Variants in CPD observed in about 807,000 individuals in gnomAD.
The protein encoded by CPD is carboxypeptidase D.
In CPD, 69 loss-of-function variants were observed where a neutral mutation model predicts 138.3. That is an observed-to-expected ratio of 0.50 (90% confidence interval 0.41 to 0.61). The LOEUF (loss-of-function observed/expected upper bound fraction) is 0.61, where lower values mean the gene tolerates loss of function less well. CPD is among the 20% of genes least tolerant of loss of function. The pLI is 0.00. For missense variants in CPD, 1,432 were observed against 1,733.3 expected, an observed-to-expected ratio of 0.83 and a Z score of 3.09; for synonymous variants, 651 against 642.1, an observed-to-expected ratio of 1.01 and a Z score of -0.21.
At chr17:30,428,446 A>G (rs1409724584) in intron 7 of CPD, among the ~76,000 whole-genome samples, 2 of 152,224 alleles carry the variant, frequency 1.3e-5, no homozygotes, top group Admixed American at 1.3e-4. Flanking sequence ...CCAAACAACC[A>G]TCATCTGATA....
chr17:30,390,077 C>T (rs917070591), intron 2 of CPD, among the ~76,000 whole-genome samples: 5 of 150,716 alleles, frequency 3.3e-5, no homozygotes, highest in Middle Eastern at 3.4e-3. Flanking sequence ...GGAGTGCAGG[C>T]GTGATCTCAG....
rs144435064 is a variant in CPD at position 30,450,645 on chromosome 17, G to A, written c.3069+897G>A. 3.5e-4 allele frequency among the ~76,000 whole-genome samples: 53 copies of A among 152,282 alleles called. 1 individual carries two copies. The highest frequency in any genetic ancestry group is 6.8e-4 in the Non-Finnish European group (46 of 68,020). ...GGGCTGAAGAGAGAGGACCACTTGA[G>A]GCCAGGCGTTTGAGACCAGCCAGAG... On this transcript the variant is annotated intron_variant, in intron 13 of 20. Coordinates refer to ENST00000225719, the MANE Select transcript of CPD (RefSeq NM_001304.5).
At chr17:30,423,749 A>G (rs747405105) in intron 6 of CPD, 52 bp downstream of exon 6, 4 of 1,291,080 alleles carry the variant, frequency 3.1e-6, no homozygotes, top group Admixed American at 2.8e-5. Context: ...TAGAATGATT[A>G]TTTTGATGGA....
At chr17:30,408,216 A>G (rs1300875328) in intron 2 of CPD, among the ~76,000 whole-genome samples, 1 of 152,138 alleles carries the variant, frequency 6.6e-6, no homozygotes, top group African/African-American at 2.4e-5. Flanking sequence ...GTAGCCTTGT[A>G]GTATAGTTTG....
rs368454572 is a variant in CPD at position 30,437,347 on chromosome 17, A to T, written c.2128-1628A>T. Among the ~76,000 whole-genome samples, 75 of 152,170 alleles carry T rather than the reference A, an allele frequency of 4.9e-4. 1 individual carries two copies. The highest frequency in any genetic ancestry group is 1.6e-3 in the African/African-American group (67 of 41,526). Reference sequence around the variant, plus strand: ...CCTAAAGAAGACTGAGGGGTGGAGGATCCATTCTGTATTCGTATATAAGTT... The same window carrying T: ...CCTAAAGAAGACTGAGGGGTGGAGGTTCCATTCTGTATTCGTATATAAGTT... On this transcript the variant is annotated intron_variant, in intron 8 of 20. Transcript: ENST00000225719.
Position 30,455,322 on chromosome 17 carries a change from A to T in CPD, c.3206-17A>T, listed in dbSNP as rs1312411347. 1.9e-6 allele frequency: 3 copies of T among 1,583,952 alleles called. No homozygotes were observed. The African/African-American group carries it at 4.1e-5, about 22-fold the overall frequency. ...TTTAAAATTTGATATTTTATATTTG[A>T]CTTTTCTCTTTTTTAGATAATGCCT... On this transcript the variant is annotated splice_polypyrimidine_tract_variant and intron_variant, in intron 14 of 20. Transcript: ENST00000225719.
Position 30,464,590 on chromosome 17 carries a change from G to T in CPD, c.3919G>T (p.Ala1307Ser). The change falls in exon 21 of 21, where the codon GCT becomes TCT. Residue 1307 changes from alanine to serine, a missense_variant and splice_region_variant. Physicochemically the swap from Ala to Ser is moderately conservative, Grantham distance 99. Transcript: ENST00000225719. ...ACATGATGGTTTTTGTTTGTCAGGT[G>T]CTACTATGTCGGCATTGATCCTAAC... The part of the protein sequence containing the change: ...PRELVVTVSG[A>S]TMSALILTAC... The T allele has an allele frequency of 1.2e-6, 2 of 1,613,186 alleles. No individual in the cohort carries two copies. Among genetic ancestry groups the T allele is most frequent in the Non-Finnish European group, 1.7e-6 (2 of 1,179,590 alleles).
chr17:30,380,646 T>C (rs963111482), intron 1 of CPD: 3 of 1,511,086 alleles, frequency 2.0e-6, no homozygotes, highest in Admixed American at 2.0e-5. Flanking sequence ...TTATGAGGTA[T>C]GTTGGTGTAC....
chr17:30,420,710 C>A, intron 2 of CPD, 131 bp from the exon 3 acceptor site: 1 of 745,108 alleles, frequency 1.3e-6, no homozygotes, highest in Non-Finnish European at 2.1e-6. Context: ...ATGCCTTCTC[C>A]AATTTCAAAC....
intron 9 of CPD, among the ~76,000 whole-genome samples, chr17:30,439,345 A>C (rs2143458450): frequency 6.7e-6 from 1 of 149,040 alleles, no homozygotes; most frequent in South Asian, 2.1e-4. Context: ...TGCTAATAGA[A>C]GAGTGTAAGC....
At chr17:30,402,251 A>G (rs1323873088) in intron 2 of CPD, among the ~76,000 whole-genome samples, 1 of 151,654 alleles carries the variant, frequency 6.6e-6, no homozygotes, top group Non-Finnish European at 1.5e-5. Context: ...TCTTTCTTTT[A>G]CTTTAAGACT....
In CPD at chr17:30,469,809, A is replaced by G. The variant is rs964462934; in HGVS notation, c.*4995A>G. On this transcript the variant is annotated 3_prime_UTR_variant, in exon 21 of 21. Transcript: ENST00000225719. ...ACTGCTACAGGAAGTGTGAATAGTG[A>G]TAACAGTTCTTTTTCTCTCAGTGTT... is the stretch of plus-strand genomic sequence containing the variant. The G allele has an allele frequency of 6.6e-6, 1 of 152,204 alleles. No homozygotes were observed. Among genetic ancestry groups the G allele is most frequent in the Admixed American group, 6.5e-5 (1 of 15,282 alleles). The allele number at this position is 152,204 out of a possible 1,614,324, so 9.4% of individuals were successfully genotyped here. A position where few individuals can be genotyped will look rare whatever the true frequency, so the allele number is the denominator to read the frequency against.
intron 2 of CPD, among the ~76,000 whole-genome samples, chr17:30,396,285 A>T (rs1185777520): frequency 6.6e-6 from 1 of 152,108 alleles, no homozygotes; most frequent in African/African-American, 2.4e-5. Context: ...TTTCCTATTT[A>T]AAAAAACACA....
chr17:30,447,730 G>C (rs761650839), intron 12 of CPD, among the ~76,000 whole-genome samples: 1 of 152,024 alleles, frequency 6.6e-6, no homozygotes, highest in Non-Finnish European at 1.5e-5. Context: ...ATGTGTGATC[G>C]TGGGTCCCAG....
chr17:30,412,586 C>G (rs370547705), intron 2 of CPD, among the ~76,000 whole-genome samples: 2 of 152,174 alleles, frequency 1.3e-5, no homozygotes, highest in Non-Finnish European at 2.9e-5. Context: ...TCAGCAATGG[C>G]AGACGCCCCT....
intron 2 of CPD, among the ~76,000 whole-genome samples, chr17:30,387,730 T>C (rs1911231229): frequency 6.6e-6 from 1 of 152,240 alleles, no homozygotes; most frequent in Admixed American, 6.5e-5. Flanking sequence ...AATTACTCTT[T>C]TACTTTTTAT....
At chr17:30,395,182 T>TG (rs1911467042) in intron 2 of CPD, among the ~76,000 whole-genome samples, 1 of 150,258 alleles carries the variant, frequency 6.7e-6, no homozygotes, top group East Asian at 1.9e-4. Flanking sequence ...TATATATAAA[T>TG]GAACAGATGG....
intron 2 of CPD, among the ~76,000 whole-genome samples, chr17:30,418,714 AT>A (rs1912184612): frequency 6.6e-6 from 1 of 152,136 alleles, no homozygotes; most frequent in South Asian, 2.1e-4. Context: ...CCCTCCTCTG[AT>A]TGGAAACAAA....
Position 30,380,549 on chromosome 17 carries a change from A to T in CPD, c.746+823A>T, listed in dbSNP as rs902785749. The T allele has an allele frequency of 4.1e-5, 60 of 1,473,854 alleles. No individual in the cohort carries two copies. The South Asian group carries it at 8.0e-4, about 20-fold the overall frequency. 91.3% of individuals were successfully genotyped at this position (1,473,854 alleles called of 1,614,324 possible). ...TCTAATACACACTTTAAGTGTTATT[A>T]AGCATTGCATGAGGTTTAAAAAATT... On this transcript the variant is annotated intron_variant, in intron 1 of 20. Transcript: ENST00000225719.
Sources: allele counts gnomAD v4.1 joint callset (sites outside exome capture counted in the v4.1 genomes callset), GRCh38; gene constraint gnomAD v4.1.1; transcripts MANE v1.5; gene names NCBI Gene and HGNC (gene_info 2026-07-23, HGNC 2026-07-21).